Variants in SSBP2 observed in about 807,000 individuals in gnomAD.
The protein encoded by SSBP2 is single stranded DNA binding protein 2.
In SSBP2, 17 loss-of-function variants were observed where a neutral mutation model predicts 61.8. The ratio of observed to expected loss-of-function variants is 0.28; its 90% CI spans 0.19 to 0.41. The LOEUF (loss-of-function observed/expected upper bound fraction) is 0.41, where lower values mean the gene tolerates loss of function less well. SSBP2 is among the 10% of genes least tolerant of loss of function. The pLI is 1.00. For missense variants in SSBP2, 310 were observed against 458.7 expected (o/e 0.68, Z 2.96); for synonymous variants, 139 against 141.3 (o/e 0.98, Z 0.12).
At chr5:81,463,758 CTTTTTTTTTTT>C (rs938398439) in intron 9 of SSBP2, among the ~76,000 whole-genome samples, 1 of 96,312 alleles carries the variant, frequency 1.0e-5, no homozygotes, top group South Asian at 3.5e-4. Flanking sequence ...GAAAAATCCT[CTTTTTTTTTTT>C]TTTTTTTTTT....
At chr5:81,422,998 C>T (rs1301260868) in intron 16 of SSBP2, among the ~76,000 whole-genome samples, 1 of 152,140 alleles carries the variant, frequency 6.6e-6, no homozygotes, top group Non-Finnish European at 1.5e-5. Context: ...TGCGGCTAAA[C>T]AGAACTATAC....
intron 4 of SSBP2, among the ~76,000 whole-genome samples, chr5:81,558,903 C>T (rs1001713389): frequency 7.2e-5 from 11 of 152,166 alleles, no homozygotes; most frequent in African/African-American, 2.4e-4. Context: ...AATGCCTAGA[C>T]TTATCAGAGG....
intron 1 of SSBP2, among the ~76,000 whole-genome samples, chr5:81,732,540 G>A (rs1756337806): frequency 6.6e-6 from 1 of 152,136 alleles, no homozygotes. Flanking sequence ...TAATCTACCA[G>A]AAGAAATGAC....
chr5:81,540,270 G>A (rs1464853475), intron 4 of SSBP2, among the ~76,000 whole-genome samples: 2 of 152,130 alleles, frequency 1.3e-5, no homozygotes, highest in African/African-American at 2.4e-5. Flanking sequence ...TAATGGGATC[G>A]CTGGGACAAA....
chr5:81,602,218 G>A lies in SSBP2; in HGVS notation c.282+13255C>T, dbSNP rs541316574. ...CCTACAGAAGTTCAGGGATCCAAGA[G>A]CCTCTTTTCAATGTGTGTTGTCTTG... On this transcript the variant is annotated intron_variant, in intron 4 of 16. Transcript: ENST00000320672. 4.6e-5 allele frequency among the ~76,000 whole-genome samples: 7 copies of A among 152,276 alleles called. No individual in the cohort carries two copies. In the East Asian group the frequency reaches 7.7e-4, roughly 17 times the overall value.
At chr5:81,468,137 G>A (rs150270327) in intron 8 of SSBP2, among the ~76,000 whole-genome samples, 182 of 151,958 alleles carry the variant, frequency 1.2e-3, no homozygotes, top group Admixed American at 1.9e-3. Context: ...TGCTTTCCTC[G>A]TCACTTCTGT....
chr5:81,593,156 G>A (rs1036893702), intron 4 of SSBP2, among the ~76,000 whole-genome samples: 1 of 152,180 alleles, frequency 6.6e-6, no homozygotes, highest in Non-Finnish European at 1.5e-5. Context: ...AGGACCTGAT[G>A]GAGATGAAAA....
At chr5:81,526,764 T>C (rs1005820320) in intron 4 of SSBP2, among the ~76,000 whole-genome samples, 1 of 152,048 alleles carries the variant, frequency 6.6e-6, no homozygotes, top group African/African-American at 2.4e-5. Context: ...ACCTTTGTTC[T>C]TCTTCTCAGG....
chr5:81,652,258 C>T lies in SSBP2; in HGVS notation c.63-1919G>A, dbSNP rs576179822. On this transcript the variant is annotated intron_variant, in intron 1 of 16. Transcript: ENST00000320672. Reference sequence around the variant, plus strand: ...CCCATTCCTTTAAGTGAGTTACCTCCTTGTAACGTCTTCTTTTTCATATTA... The same window carrying T: ...CCCATTCCTTTAAGTGAGTTACCTCTTTGTAACGTCTTCTTTTTCATATTA... Among the ~76,000 whole-genome samples, 16 of 151,362 alleles carry T rather than the reference C, an allele frequency of 1.1e-4. No homozygotes were observed. In the South Asian group the frequency reaches 2.1e-3, roughly 20 times the overall value.
intron 1 of SSBP2, chr5:81,710,701 C>T (rs1344475069): frequency 2.2e-6 from 1 of 454,542 alleles, no homozygotes; most frequent in Non-Finnish European, 4.4e-6. Flanking sequence ...CGAATGAATA[C>T]ATGAGGGCTG....
At position 81,673,604 on chromosome 5, in the gene SSBP2, GA is replaced by G. The variant is rs562143017; in HGVS notation, c.63-23266del. 3.7e-3 allele frequency among the ~76,000 whole-genome samples: 564 copies of G among 151,980 alleles called. 2 individuals carry two copies. The highest frequency in any genetic ancestry group is 0.012 in the African/African-American group (509 of 41,472). Reference sequence around the variant, plus strand: ...ATGCATTAATAGACTATAAGAACTAGAAAAAAAGAGGTAATAGTCCTACAAA... The same window carrying G: ...ATGCATTAATAGACTATAAGAACTAGAAAAAAGAGGTAATAGTCCTACAAA... On this transcript the variant is annotated intron_variant, in intron 1 of 16. Transcript: ENST00000320672.
intron 5 of SSBP2, among the ~76,000 whole-genome samples, chr5:81,490,263 T>G (rs547316549): frequency 6.6e-6 from 1 of 152,148 alleles, no homozygotes; most frequent in African/African-American, 2.4e-5. Context: ...GTGAAATGTT[T>G]AGGTAAGGTA....
chr5:81,515,283 A>C (rs1292124482), intron 4 of SSBP2, among the ~76,000 whole-genome samples: 1 of 152,010 alleles, frequency 6.6e-6, no homozygotes, highest in Non-Finnish European at 1.5e-5. Flanking sequence ...AATTACTGTC[A>C]TGTAGAAGTT....
chr5:81,597,848 G>C (rs1335279930), intron 4 of SSBP2, among the ~76,000 whole-genome samples: 1 of 133,078 alleles, frequency 7.5e-6, no homozygotes, highest in Non-Finnish European at 1.6e-5. Context: ...TCACAAACCA[G>C]GGACTGTTGT....
chr5:81,575,577 A>G (rs572059077), intron 4 of SSBP2, among the ~76,000 whole-genome samples: 2 of 152,292 alleles, frequency 1.3e-5, no homozygotes, highest in East Asian at 1.9e-4. Flanking sequence ...AAAAAATTCA[A>G]ACTAACATAA....
chr5:81,446,955 A>G, intron 11 of SSBP2, 33 bp from the exon 12 acceptor site: 2 of 1,534,720 alleles, frequency 1.3e-6, no homozygotes, highest in Non-Finnish European at 1.8e-6. Context: ...AGTAAAAATA[A>G]GGCATTGCAT....
At chr5:81,542,357 T>C (rs1012169726) in intron 4 of SSBP2, among the ~76,000 whole-genome samples, 1 of 152,090 alleles carries the variant, frequency 6.6e-6, no homozygotes, top group African/African-American at 2.4e-5. Flanking sequence ...AGTTTGGAGA[T>C]TTCTCAAAGA....
At chr5:81,724,547 T>C (rs943792655) in intron 1 of SSBP2, among the ~76,000 whole-genome samples, 2 of 152,048 alleles carry the variant, frequency 1.3e-5, no homozygotes, top group African/African-American at 4.8e-5. Flanking sequence ...AAGTGTGTAC[T>C]ACCAATCAGC....
chr5:81,445,134 AATT>A lies in SSBP2; in HGVS notation c.778+1731_778+1733del, dbSNP rs1348692211. 4.4e-5 allele frequency among the ~76,000 whole-genome samples: 4 copies of A among 91,064 alleles called. 1 individual carries two copies. The highest frequency in any genetic ancestry group is 9.2e-5 in the African/African-American group (2 of 21,698). The allele number at this position is 91,064 out of a possible 152,430, so 59.7% of individuals were successfully genotyped here. On this transcript the variant is annotated intron_variant, in intron 12 of 16. Coordinates refer to ENST00000320672, the MANE Select transcript of SSBP2 (RefSeq NM_012446.5). ...GCTCTGTCTCAGCAAAGAAAAAAAA[AATT>A]TTATATATATATATATATATATATA...
Sources: gnomAD v4.1 joint callset for allele counts (sites outside exome capture counted in the v4.1 genomes callset) on GRCh38, gnomAD v4.1.1 for gene constraint, MANE v1.5 for transcripts, NCBI Gene and HGNC (gene_info 2026-07-23, HGNC 2026-07-21) for gene names.